Variants in FMNL3 observed in about 807,000 individuals in gnomAD.
FMNL3 encodes the protein formin-like protein 3.
A neutral mutation model predicts 119.6 loss-of-function variants in FMNL3; 57 were observed. The ratio of observed to expected loss-of-function variants is 0.48; its 90% CI spans 0.39 to 0.59. The LOEUF is 0.59. FMNL3 is among the 20% of genes least tolerant of loss of function. FMNL3 has a pLI of 0.00. For synonymous variants in FMNL3, 491 were observed against 507.3 expected, an observed-to-expected ratio of 0.97 and a Z score of 0.43; for missense variants, 1,053 against 1,323.5, an observed-to-expected ratio of 0.80 and a Z score of 3.17.
Position 49,642,650 on chromosome 12 carries a change from T to A in FMNL3, c.*3165A>T. ...CTGGAGTCGGAGCGGATCCGGCTCT[T>A]CCGGGAGTTCCTACAGGTGCTGGAG... On this transcript the variant is annotated 3_prime_UTR_variant, in exon 26 of 26. Coordinates refer to ENST00000335154, the MANE Select transcript of FMNL3 (RefSeq NM_175736.5). This position sits in a 1 kb window ranked among gnomAD's most constrained non-coding sequence, Gnocchi z 5.8. The A allele has an allele frequency of 6.2e-7, 1 of 1,614,124 alleles. No homozygotes were observed. The highest frequency in any genetic ancestry group is 8.5e-7 in the Non-Finnish European group (1 of 1,179,996).
At chr12:49,662,622 T>C (rs75277657) in intron 4 of FMNL3, among the ~76,000 whole-genome samples, 1 of 152,110 alleles carries the variant, frequency 6.6e-6, no homozygotes, top group Non-Finnish European at 1.5e-5. Flanking sequence ...TATTTAGTCA[T>C]GTTGAGTTTG....
chr12:49,679,757 G>T lies in FMNL3; in HGVS notation c.127-11203C>A, dbSNP rs142400078. The stretch of plus-strand genomic sequence containing the variant: ...GCTGGTCTCGAGCTCCCAGGCTCAC[G>T]CAATCCACCCACTTTGACTTCCCAA... On this transcript the variant is annotated intron_variant, in intron 1 of 25. Transcript: ENST00000335154. 2.6e-4 allele frequency among the ~76,000 whole-genome samples: 40 copies of T among 152,142 alleles called. No individual in the cohort carries two copies. In the East Asian group the frequency reaches 7.4e-3, roughly 28 times the overall value.
rs547583760 is a variant in FMNL3, at chr12:49,647,426, G to A, written c.2779-58C>T. On this transcript the variant is annotated intron_variant, in intron 23 of 25. Coordinates refer to ENST00000335154, the MANE Select transcript of FMNL3 (RefSeq NM_175736.5). This position sits in a 1 kb window ranked among gnomAD's most constrained non-coding sequence, Gnocchi z 4.9. ...GAGGCTCATAGGCTGTGAGGGGAGG[G>A]GCTGACACTGAGGTGGAGAGTGGGT... 6.3e-5 allele frequency: 99 copies of A among 1,563,272 alleles called. 1 individual carries two copies. The South Asian group carries it at 1.0e-3, about 16-fold the overall frequency.
chr12:49,659,678 C>T, intron 5 of FMNL3: 2 of 788,498 alleles, frequency 2.5e-6, no homozygotes, highest in Non-Finnish European at 3.1e-6. Flanking sequence ...CCTCCCAAAG[C>T]TCTGGGATTA....
intron 1 of FMNL3, among the ~76,000 whole-genome samples, chr12:49,693,402 T>C (rs1944660312): frequency 1.3e-5 from 2 of 151,690 alleles, no homozygotes; most frequent in African/African-American, 4.8e-5. Context: ...TTTTTTGAGA[T>C]AGTCTCGCTC....
Position 49,637,285 on chromosome 12 carries a change from A to C in FMNL3, c.*8530T>G. 1.7e-6 allele frequency: 1 copy of C among 598,966 alleles called. No homozygotes were observed. The highest frequency in any genetic ancestry group is 3.0e-6 in the Non-Finnish European group (1 of 335,780). 37.1% of individuals were successfully genotyped at this position (598,966 alleles called of 1,614,324 possible). A position where few individuals can be genotyped will look rare whatever the true frequency, so the allele number is the denominator to read the frequency against. On this transcript the variant is annotated 3_prime_UTR_variant, in exon 26 of 26. Coordinates refer to ENST00000335154, the MANE Select transcript of FMNL3 (RefSeq NM_175736.5). ...TTGTTCTGTCCCTCTCTGTGTATTT[A>C]CTTTCTCTCTTTTTGCATTGTTCTC... is the stretch of plus-strand genomic sequence containing the variant.
At position 49,652,215 on chromosome 12, in the gene FMNL3, G is replaced by A. The variant is rs1409763648; in HGVS notation, c.1324-3C>T. 3 of 1,611,038 alleles carry A rather than the reference G, an allele frequency of 1.9e-6. No homozygotes were observed. Among genetic ancestry groups the A allele is most frequent in the Middle Eastern group, 1.7e-4 (1 of 6,050 alleles). ...TGGCTTGTGTTCTCATATGTCTCCT[G>A]GCAGGCAGACAGCACCATTAAGGGA... On this transcript the variant is annotated splice_polypyrimidine_tract_variant and splice_region_variant and intron_variant, in intron 13 of 25. Transcript: ENST00000335154.
At chr12:49,646,821 G>C in intron 25 of FMNL3, 65 bp downstream of exon 25, 1 of 1,608,006 alleles carries the variant, frequency 6.2e-7, no homozygotes, top group East Asian at 2.2e-5. Flanking sequence ...GAGCCCAAAG[G>C]GGTTAGGTTG....
chr12:49,693,397 TGA>T (rs1233426080), intron 1 of FMNL3, among the ~76,000 whole-genome samples: 1 of 151,860 alleles, frequency 6.6e-6, no homozygotes, highest in Non-Finnish European at 1.5e-5. Flanking sequence ...GTTTTTTTTT[TGA>T]GATAGTCTCG....
At chr12:49,683,305 C>T (rs1203940532) in intron 1 of FMNL3, among the ~76,000 whole-genome samples, 1 of 152,194 alleles carries the variant, frequency 6.6e-6, no homozygotes, top group Non-Finnish European at 1.5e-5. Flanking sequence ...ACATTCCACC[C>T]AGACTTCCAC....
intron 1 of FMNL3, among the ~76,000 whole-genome samples, chr12:49,696,375 A>C (rs1944750757): frequency 6.6e-6 from 1 of 152,126 alleles, no homozygotes; most frequent in African/African-American, 2.4e-5. Context: ...GTGTATGAAA[A>C]AGTCTGCCCT....
At chr12:49,695,294 T>G (rs1175790113) in intron 1 of FMNL3, among the ~76,000 whole-genome samples, 1 of 152,158 alleles carries the variant, frequency 6.6e-6, no homozygotes, top group Non-Finnish European at 1.5e-5. Flanking sequence ...CGGTTTTATT[T>G]GTACCCTTAC....
rs1942914111 is a variant in FMNL3 at position 49,643,276 on chromosome 12, G to A, written c.*2539C>T. ...CCCCACCATCTCTCCGGCCCCCCAA[G>A]CGGAGGAGGCGGAACCCCTCAGAGT... On this transcript the variant is annotated 3_prime_UTR_variant, in exon 26 of 26. Coordinates refer to ENST00000335154, the MANE Select transcript of FMNL3 (RefSeq NM_175736.5). The A allele has an allele frequency of 1.2e-6, 2 of 1,613,862 alleles. No homozygotes were observed. The highest frequency in any genetic ancestry group is 1.7e-6 in the Non-Finnish European group (2 of 1,179,988).
chr12:49,643,962 G>C lies in FMNL3; in HGVS notation c.*1853C>G. The C allele has an allele frequency of 6.2e-7, 1 of 1,614,206 alleles. No individual in the cohort carries two copies. Among genetic ancestry groups the C allele is most frequent in the Non-Finnish European group, 8.5e-7 (1 of 1,180,034 alleles). ...AGGACAGGGAGCTCCAACAGGCAGA[G>C]CTCCCTAACCGTTCCCCAGGCTTTG... On this transcript the variant is annotated 3_prime_UTR_variant, in exon 26 of 26. Transcript: ENST00000335154.
Position 49,647,684 on chromosome 12 carries a change from A to G in FMNL3, c.2778+19T>C, listed in dbSNP as rs1469840921. 3.1e-6 allele frequency: 5 copies of G among 1,609,346 alleles called. No homozygotes were observed. Among genetic ancestry groups the G allele is most frequent in the Non-Finnish European group, 4.3e-6 (5 of 1,176,046 alleles). On this transcript the variant is annotated intron_variant, in intron 23 of 25. Transcript: ENST00000335154. The surrounding 1 kb of genome is among the most constrained non-coding windows in gnomAD (Gnocchi z 4.9). The stretch of plus-strand genomic sequence containing the variant: ...GTTTTCTCGCAACCAAACTTCTTAA[A>G]AAGCTCTCTGCAGCTTACCTTGTAA...
At chr12:49,654,744 CT>C (rs1404376812) in intron 10 of FMNL3, among the ~76,000 whole-genome samples, 165 bp downstream of exon 10, 1 of 152,120 alleles carries the variant, frequency 6.6e-6, no homozygotes, top group African/African-American at 2.4e-5. Context: ...CCTGAAGTTT[CT>C]AAGAGCTCTC....
At position 49,666,037 on chromosome 12, in the gene FMNL3, A is replaced by G. The variant is rs560464687; in HGVS notation, c.291+90T>C. On this transcript the variant is annotated intron_variant, in intron 3 of 25. Coordinates refer to ENST00000335154, the MANE Select transcript of FMNL3 (RefSeq NM_175736.5). ...TCCAACTCCCAATGCTCAGAAACAG[A>G]TGTCCAATATCCAAGTCAAAGGGTT... 6 of 1,537,136 alleles carry G rather than the reference A, an allele frequency of 3.9e-6. No homozygotes were observed. In the East Asian group the frequency reaches 1.4e-4, roughly 35 times the overall value.
intron 1 of FMNL3, among the ~76,000 whole-genome samples, chr12:49,700,865 T>A (rs1226094899): frequency 1.3e-5 from 2 of 150,866 alleles, no homozygotes; most frequent in African/African-American, 4.9e-5. Flanking sequence ...AGATCTAAGG[T>A]CAGAAGTTTG....
chr12:49,637,893 TG>T lies in FMNL3; in HGVS notation c.*7921del. The T allele has an allele frequency of 7.8e-7, 1 of 1,286,110 alleles. No individual in the cohort carries two copies. The allele number at this position is 1,286,110 out of a possible 1,614,324, so 79.7% of individuals were successfully genotyped here. ...GGCACACTCCCTGCAGAGGACTCCC[TG>T]ATAAGTCCTGTTTTGCAGAAGCATT... On this transcript the variant is annotated 3_prime_UTR_variant, in exon 26 of 26. Transcript: ENST00000335154.
Sources: allele counts gnomAD v4.1 joint callset (sites outside exome capture counted in the v4.1 genomes callset), GRCh38; gene constraint gnomAD v4.1.1; non-coding constraint Gnocchi (gnomAD v3.1); transcripts MANE v1.5; gene names NCBI Gene and HGNC (gene_info 2026-07-23, HGNC 2026-07-21).